Variants in RTN1 observed in about 807,000 individuals in gnomAD.
The protein encoded by RTN1 is reticulon-1.
Under a neutral mutation model 65.5 loss-of-function variants are expected in RTN1, and 25 were observed. The observed-to-expected ratio is 0.38, with a 90% CI of 0.28 to 0.53. The LOEUF is 0.53. Ranked by LOEUF, RTN1 falls within the 20% of genes least tolerant of loss-of-function variation. RTN1 has a pLI of 0.79. For synonymous variants in RTN1, 471 were observed against 447.6 expected (o/e 1.05, Z -0.66); for missense variants, 983 against 1,025.4 (o/e 0.96, Z 0.57).
At chr14:59,780,576 A>G (rs1023301350) in intron 1 of RTN1, among the ~76,000 whole-genome samples, 13 of 152,236 alleles carry the variant, frequency 8.5e-5, no homozygotes, top group African/African-American at 3.1e-4. Context: ...TTAAGAAGCT[A>G]CAGAAAGCAA....
At position 59,603,886 on chromosome 14, in the gene RTN1, G is replaced by A. The variant is rs559148180; in HGVS notation, c.2148C>T (p.Gly716=). ...GCAGGGTCAGGCCATTGAAGAGAGCGCCAACGTAGGTCAGGAGCCACATCA... is the reference window on the plus strand; with the variant it reads ...GCAGGGTCAGGCCATTGAAGAGAGCACCAACGTAGGTCAGGAGCCACATCA... The part of the protein sequence containing the change: ...AVLMWLLTYV[G]ALFNGLTLLL... The change falls in exon 6 of 9, where the codon GGC becomes GGT. Residue 716 remains glycine (G), a synonymous_variant. Transcript: ENST00000267484. 2.1e-5 allele frequency: 34 copies of A among 1,611,778 alleles called. No homozygotes were observed. The highest frequency in any genetic ancestry group is 8.9e-5 in the East Asian group (4 of 44,798).
chr14:59,865,542 C>T (rs764393909), intron 1 of RTN1, among the ~76,000 whole-genome samples: 21 of 152,150 alleles, frequency 1.4e-4, no homozygotes, highest in Non-Finnish European at 2.6e-4. Context: ...AAGCCCTTCC[C>T]TCCCTTTTCT....
intron 2 of RTN1, among the ~76,000 whole-genome samples, chr14:59,728,590 G>A (rs749364493): frequency 6.6e-6 from 1 of 152,056 alleles, no homozygotes; most frequent in Non-Finnish European, 1.5e-5. Context: ...CAAGAGTCTC[G>A]TTTTCCCTTG....
chr14:59,855,189 T>C (rs1887582499), intron 1 of RTN1, among the ~76,000 whole-genome samples: 1 of 152,218 alleles, frequency 6.6e-6, no homozygotes, highest in African/African-American at 2.4e-5. Flanking sequence ...CGTCTAAACA[T>C]TCCTGTGCTA....
intron 1 of RTN1, among the ~76,000 whole-genome samples, chr14:59,749,661 CTAT>C (rs1885384324): frequency 3.3e-5 from 1 of 30,348 alleles, no homozygotes; most frequent in South Asian, 6.0e-4. Context: ...ATATAGATAT[CTAT>C]ATATATTTAT....
chr14:59,599,218 A>G (rs933741281), intron 8 of RTN1, among the ~76,000 whole-genome samples: 7 of 152,160 alleles, frequency 4.6e-5, no homozygotes, highest in Non-Finnish European at 8.8e-5. Context: ...GCCGCATTCT[A>G]TATCTGTAAA....
At position 59,794,199 on chromosome 14, in the gene RTN1, G is replaced by A. The variant is rs1886400815; in HGVS notation, c.242-47718C>T. ...GGCCGTAATGATTAATTCCGGTATA[G>A]ACATGTGACTTAAAATTGTTCCAGT... On this transcript the variant is annotated intron_variant, in intron 1 of 8. Coordinates refer to ENST00000267484, the MANE Select transcript of RTN1 (RefSeq NM_021136.3). The surrounding 1 kb of genome is among the most constrained non-coding windows in gnomAD (Gnocchi z 5.1). Among the ~76,000 whole-genome samples the A allele has an allele frequency of 6.6e-6, 1 of 152,166 alleles. No individual in the cohort carries two copies. The highest frequency in any genetic ancestry group is 2.4e-5 in the African/African-American group (1 of 41,428).
intron 3 of RTN1, among the ~76,000 whole-genome samples, chr14:59,674,313 T>A (rs1030561844): frequency 1.3e-5 from 2 of 152,184 alleles, no homozygotes; most frequent in African/African-American, 4.8e-5. Flanking sequence ...CAAATTCTAA[T>A]TTAACAAGCA....
intron 1 of RTN1, among the ~76,000 whole-genome samples, chr14:59,815,073 G>A (rs1195512567): frequency 6.6e-6 from 1 of 152,204 alleles, no homozygotes; most frequent in East Asian, 1.9e-4. Context: ...AACAGGGCAT[G>A]TAATATATTA....
chr14:59,771,925 C>G (rs1885966813), intron 1 of RTN1, among the ~76,000 whole-genome samples: 1 of 152,190 alleles, frequency 6.6e-6, no homozygotes, highest in Admixed American at 6.5e-5. Context: ...GAAATATCTG[C>G]ATTTAAATTG....
intron 3 of RTN1, among the ~76,000 whole-genome samples, chr14:59,711,904 T>C (rs1452916209): frequency 6.6e-6 from 1 of 152,170 alleles, no homozygotes; most frequent in Non-Finnish European, 1.5e-5. Context: ...CTACGAGCCA[T>C]AGGCAAAAGT....
intron 3 of RTN1, among the ~76,000 whole-genome samples, chr14:59,708,739 G>C (rs1182101584): frequency 6.6e-6 from 1 of 152,192 alleles, no homozygotes. Flanking sequence ...CTGAGGGGTA[G>C]AGACTATCAA....
rs373052155 is a variant in RTN1 at position 59,789,807 on chromosome 14, T to C, written c.242-43326A>G. ...ACTAGGAACAATCTAAATATCTACA[T>C]ATAATGTAATAAAATACACGTTAAA... On this transcript the variant is annotated intron_variant, in intron 1 of 8. Transcript: ENST00000267484. Among the ~76,000 whole-genome samples the C allele has an allele frequency of 2.8e-3, 431 of 152,128 alleles. 1 individual carries two copies. The highest frequency in any genetic ancestry group is 4.9e-3 in the Non-Finnish European group (330 of 67,954).
At chr14:59,806,558 T>C (rs1886642235) in intron 1 of RTN1, among the ~76,000 whole-genome samples, 3 of 152,180 alleles carry the variant, frequency 2.0e-5, no homozygotes, top group Admixed American at 2.0e-4. Context: ...GATTATTTCA[T>C]CATGCAGGTA....
chr14:59,645,979 A>G (rs76861955), intron 3 of RTN1, among the ~76,000 whole-genome samples: 2,723 of 152,352 alleles, frequency 0.018, 72 homozygotes, highest in African/African-American at 0.061. Context: ...GGCTGGAATA[A>G]CAGAAAGAAA....
At chr14:59,770,074 CA>C (rs1156664198) in intron 1 of RTN1, among the ~76,000 whole-genome samples, 1 of 151,834 alleles carries the variant, frequency 6.6e-6, no homozygotes, top group Non-Finnish European at 1.5e-5. Context: ...AACCCAAAGC[CA>C]AAAAGAACAT....
At chr14:59,743,397 A>C (rs1274945693) in intron 2 of RTN1, among the ~76,000 whole-genome samples, 1 of 152,164 alleles carries the variant, frequency 6.6e-6, no homozygotes, top group African/African-American at 2.4e-5. Context: ...TGGACTGACT[A>C]CTGGACAACC....
At chr14:59,810,387 G>C (rs1886707708) in intron 1 of RTN1, among the ~76,000 whole-genome samples, 1 of 152,164 alleles carries the variant, frequency 6.6e-6, no homozygotes, top group Non-Finnish European at 1.5e-5. Context: ...TGGGGGTTAA[G>C]ACACTGATGC....
At chr14:59,734,847 G>A (rs537366084) in intron 2 of RTN1, among the ~76,000 whole-genome samples, 66 of 152,230 alleles carry the variant, frequency 4.3e-4, no homozygotes, top group African/African-American at 1.6e-3. Flanking sequence ...CCCCAACCTA[G>A]TAAGACAGGC....
Sources: gnomAD v4.1 joint callset for allele counts (sites outside exome capture counted in the v4.1 genomes callset) on GRCh38, gnomAD v4.1.1 for gene constraint, Gnocchi (gnomAD v3.1) non-coding constraint, MANE v1.5 for transcripts, NCBI Gene and HGNC (gene_info 2026-07-23, HGNC 2026-07-21) for gene names.